Variants in IRAG2 observed in about 807,000 individuals in gnomAD.
IRAG2 encodes the protein inositol 1,4,5-triphosphate receptor associated 2, also known as lymphoid restricted membrane protein.
Under a neutral mutation model 69.9 loss-of-function variants are expected in IRAG2, and 45 were observed. The ratio of observed to expected loss-of-function variants is 0.64; its 90% CI spans 0.51 to 0.83. The LOEUF is 0.83. Ranked by LOEUF, IRAG2 falls within the 40% of genes least tolerant of loss-of-function variation. IRAG2 has a pLI of 0.00. For missense variants in IRAG2, 520 were observed against 587.0 expected, an observed-to-expected ratio of 0.89 and a Z score of 1.18; for synonymous variants, 193 against 202.4, an observed-to-expected ratio of 0.95 and a Z score of 0.40.
At chr12:25,086,868 G>A (rs575575808) in intron 10 of IRAG2, among the ~76,000 whole-genome samples, 3 of 152,082 alleles carry the variant, frequency 2.0e-5, no homozygotes, top group Admixed American at 6.6e-5. Flanking sequence ...AATTGATCAC[G>A]AATGGGAGAG....
chr12:25,077,570 T>C (rs1444651102), intron 6 of IRAG2, among the ~76,000 whole-genome samples: 1 of 151,838 alleles, frequency 6.6e-6, no homozygotes, highest in Admixed American at 6.6e-5. Context: ...CATATTACTT[T>C]CCTCTGTGGC....
At chr12:25,096,192 A>G (rs749724679) in intron 14 of IRAG2, among the ~76,000 whole-genome samples, 1 of 152,222 alleles carries the variant, frequency 6.6e-6, no homozygotes, top group Non-Finnish European at 1.5e-5. Flanking sequence ...GATGCAATTT[A>G]CAGTCGGTGG....
chr12:25,056,957 T>C (rs527673323), intron 1 of IRAG2, among the ~76,000 whole-genome samples: 2 of 152,310 alleles, frequency 1.3e-5, no homozygotes, highest in East Asian at 1.9e-4. Flanking sequence ...CCCAGCCTTG[T>C]AGAGCCCTGG....
intron 10 of IRAG2, among the ~76,000 whole-genome samples, chr12:25,084,642 T>C (rs11047820): frequency 0.3 from 45,283 of 151,770 alleles, 7,414 homozygotes; most frequent in East Asian, 0.66. Context: ...CAGAGACCCA[T>C]GCAAGCTAAC....
intron 1 of IRAG2, among the ~76,000 whole-genome samples, chr12:25,054,291 G>C (rs941501715): frequency 6.6e-6 from 1 of 152,180 alleles, no homozygotes; most frequent in Admixed American, 6.5e-5. Context: ...AACTGTTCAT[G>C]TTGAGACATG....
At chr12:25,042,251 AG>A (rs1224383058) in intron 16 of IRAG2, among the ~76,000 whole-genome samples, 1 of 145,688 alleles carries the variant, frequency 6.9e-6, no homozygotes, top group Admixed American at 7.2e-5. Context: ...TCTGAAAACC[AG>A]GTAAATGGTG....
chr12:25,040,781 G>A (rs376542068), intron 16 of IRAG2, among the ~76,000 whole-genome samples: 151 of 152,192 alleles, frequency 9.9e-4, no homozygotes, highest in African/African-American at 3.5e-3. Flanking sequence ...GTCTTGATTC[G>A]TACGACATCC....
At chr12:25,077,075 C>T (rs1344729770) in intron 6 of IRAG2, among the ~76,000 whole-genome samples, 1 of 149,750 alleles carries the variant, frequency 6.7e-6, no homozygotes, top group Non-Finnish European at 1.5e-5. Flanking sequence ...TGTCATGTTG[C>T]TCATGTTGGT....
chr12:25,065,785 T>G (rs1230183741), intron 4 of IRAG2, among the ~76,000 whole-genome samples: 1 of 152,226 alleles, frequency 6.6e-6, no homozygotes, highest in Non-Finnish European at 1.5e-5. Context: ...TTCTCCTGCC[T>G]TAGCCCCCCA....
intron 14 of IRAG2, among the ~76,000 whole-genome samples, chr12:25,091,677 C>A (rs1948076520): frequency 6.6e-6 from 1 of 151,722 alleles, no homozygotes; most frequent in African/African-American, 2.4e-5. Context: ...TTTTTAGAAA[C>A]CACTGTACTG....
intron 12 of IRAG2, among the ~76,000 whole-genome samples, chr12:25,033,316 A>G (rs1944682471): frequency 6.6e-6 from 1 of 152,112 alleles, no homozygotes; most frequent in Non-Finnish European, 1.5e-5. Context: ...AACACACATC[A>G]TCCTGTATGA....
intron 1 of IRAG2, among the ~76,000 whole-genome samples, chr12:25,057,681 T>C (rs1945354044): frequency 6.6e-6 from 1 of 152,174 alleles, no homozygotes; most frequent in Non-Finnish European, 1.5e-5. Flanking sequence ...AATGTTCAGA[T>C]CTCGAGTATA....
At chr12:25,004,844 C>T (rs769651386) in exon 1 of IRAG2, 277 of 1,232,006 alleles carry the variant, frequency 2.2e-4, no homozygotes, top group South Asian at 6.2e-4. Flanking sequence ...TTTGATTCCA[C>T]CTTTGTTCAA....
At chr12:25,003,446 A>G (rs929156880), upstream of IRAG2, among the ~76,000 whole-genome samples, 2 of 152,040 alleles carry the variant, frequency 1.3e-5, no homozygotes, top group African/African-American at 2.4e-5. Flanking sequence ...CCCATACTCA[A>G]GTGACCCTCC....
intron 2 of IRAG2, among the ~76,000 whole-genome samples, chr12:25,008,219 C>T (rs530968758): frequency 1.1e-4 from 17 of 152,260 alleles, no homozygotes; most frequent in Admixed American, 7.2e-4. Flanking sequence ...CTCTATTCCG[C>T]GTTATGAACT....
chr12:25,026,075 C>A (rs1221385150), intron 8 of IRAG2, among the ~76,000 whole-genome samples: 2 of 152,276 alleles, frequency 1.3e-5, no homozygotes, highest in East Asian at 3.9e-4. Flanking sequence ...TGAATGGGCA[C>A]AGCTGTGCTC....
chr12:25,048,916 T>C (rs999489047), upstream of IRAG2, among the ~76,000 whole-genome samples: 1 of 152,242 alleles, frequency 6.6e-6, no homozygotes, highest in African/African-American at 2.4e-5. Flanking sequence ...TAGTCTTTAA[T>C]CTATATTGAG....
chr12:25,019,692 C>T (rs147910588), intron 6 of IRAG2, among the ~76,000 whole-genome samples: 8 of 152,220 alleles, frequency 5.3e-5, no homozygotes, highest in South Asian at 2.1e-4. Context: ...ATCAGGGATG[C>T]GAAGTTCTCA....
chr12:25,010,476 CAAAAA>C (rs11313967), intron 2 of IRAG2, among the ~76,000 whole-genome samples: 1 of 149,122 alleles, frequency 6.7e-6, no homozygotes, highest in South Asian at 2.1e-4. Flanking sequence ...AAAAAACAAA[CAAAAA>C]AAAAAAACAG....
Sources: gnomAD v4.1 joint callset for allele counts (sites outside exome capture counted in the v4.1 genomes callset) on GRCh38, gnomAD v4.1.1 for gene constraint, MANE v1.5 for transcripts, NCBI Gene and HGNC (gene_info 2026-07-23, HGNC 2026-07-21) for gene names.